The following CANT1 variants were observed in gnomAD, a reference collection of about 807,000 sequenced individuals.
CANT1 encodes the protein calcium activated nucleotidase 1, also known as soluble calcium-activated nucleotidase 1.
CANT1 carries 26 observed loss-of-function variants against 30.0 expected under a neutral mutation model. The observed-to-expected ratio is 0.87, with a 90% CI of 0.64 to 1.20. CANT1 has a LOEUF of 1.20. Among genes scored for constraint, CANT1 ranks in the 50% most tolerant of loss-of-function variants. The pLI is 0.00. For missense variants in CANT1, 518 were observed against 563.0 expected (o/e 0.92, Z 0.81); for synonymous variants, 246 against 251.8 (o/e 0.98, Z 0.22).
intron 1 of CANT1, among the ~76,000 whole-genome samples, chr17:79,007,372 G>A (rs1171726757): frequency 6.6e-6 from 1 of 152,112 alleles, no homozygotes; most frequent in Non-Finnish European, 1.5e-5. Flanking sequence ...TGTGTCCTTG[G>A]CATCCCTGGT....
intron 1 of CANT1, 105 bp downstream of exon 1, chr17:79,009,559 G>GGGGGCGGGACGCGGCAGGGTCGA (rs2071674728): frequency 6.5e-6 from 1 of 152,794 alleles, no homozygotes; most frequent in African/African-American, 2.4e-5. Flanking sequence ...TGACGGGTCA[G>GGGGGCGGGACGCGGCAGGGTCGA]GGGGCGGGAC....
chr17:79,000,940 C>G (rs1198897442), intron 1 of CANT1, among the ~76,000 whole-genome samples: 2 of 152,224 alleles, frequency 1.3e-5, no homozygotes, highest in Non-Finnish European at 2.9e-5. Flanking sequence ...AGCAGACAGT[C>G]TGCACGCATT....
chr17:78,993,207 T>G lies in CANT1; in HGVS notation c.*343A>C. The G allele has an allele frequency of 2.4e-6, 1 of 419,914 alleles. No homozygotes were observed. 26.0% of individuals were successfully genotyped at this position (419,914 alleles called of 1,614,324 possible). ...AGGGTGAGGCATAGGGCCTGACATA[T>G]GGTAGGAGCTCTAGGGATATTCACT... On this transcript the variant is annotated 3_prime_UTR_variant, in exon 5 of 5. Coordinates refer to ENST00000392446, the MANE Select transcript of CANT1 (RefSeq NM_001159773.2). The surrounding 1 kb of genome is among the most constrained non-coding windows in gnomAD (Gnocchi z 4.5).
intron 1 of CANT1, among the ~76,000 whole-genome samples, chr17:79,001,706 C>T (rs1223338983): frequency 6.6e-6 from 1 of 152,080 alleles, no homozygotes; most frequent in Non-Finnish European, 1.5e-5. Context: ...AGTGTCCCTC[C>T]TCGAGGCAGG....
intron 4 of CANT1, 72 bp downstream of exon 4, chr17:78,994,946 T>A (rs1003908154): frequency 6.7e-7 from 1 of 1,482,246 alleles, no homozygotes; most frequent in Admixed American, 2.0e-5. Context: ...TGGAGGCAAA[T>A]GCAGGAGGAA....
chr17:78,992,383 C>T lies in CANT1; in HGVS notation c.*1167G>A, dbSNP rs186436891. ...AGGGCACTGTGAATGATGGAAACGT[C>T]CCTTCTCAGCCTGGGTCGTGCCTAA... On this transcript the variant is annotated 3_prime_UTR_variant, in exon 5 of 5. Transcript: ENST00000392446. 2,781 of 282,022 alleles carry T rather than the reference C, an allele frequency of 9.9e-3. 26 individuals carry two copies. Among genetic ancestry groups the T allele is most frequent in the Non-Finnish European group, 0.015 (2,168 of 144,506 alleles). The allele number at this position is 282,022 out of a possible 1,614,324, so 17.5% of individuals were successfully genotyped here.
At chr17:78,999,347 G>A (rs763254577) in intron 1 of CANT1, among the ~76,000 whole-genome samples, 1 of 152,132 alleles carries the variant, frequency 6.6e-6, no homozygotes, top group Non-Finnish European at 1.5e-5. Flanking sequence ...GGGGTTCCCC[G>A]TGCTGGACAT....
Position 78,993,492 on chromosome 17 carries a change from CCT to C in CANT1, c.*56_*57del. 1 of 1,611,238 alleles carries C rather than the reference CCT, an allele frequency of 6.2e-7. No homozygotes were observed. The highest frequency in any genetic ancestry group is 8.5e-7 in the Non-Finnish European group (1 of 1,178,142). ...GAACAAAACAAAACAAAAGTGCACTCCTCTTGTTTTTATAAAAGCTGAGTCCT... is the reference window on the plus strand; with the variant it reads ...GAACAAAACAAAACAAAAGTGCACTCCTTGTTTTTATAAAAGCTGAGTCCT... On this transcript the variant is annotated 3_prime_UTR_variant, in exon 5 of 5. Transcript: ENST00000392446. This position sits in a 1 kb window ranked among gnomAD's most constrained non-coding sequence, Gnocchi z 4.5.
At chr17:79,001,178 TGTC>T (rs1300619175) in intron 1 of CANT1, among the ~76,000 whole-genome samples, 3 of 152,056 alleles carry the variant, frequency 2.0e-5, no homozygotes, top group Non-Finnish European at 4.4e-5. Context: ...CATCGTGAGG[TGTC>T]GTCGTCACCA....
intron 1 of CANT1, among the ~76,000 whole-genome samples, chr17:79,003,092 C>T (rs571170592): frequency 2.9e-4 from 44 of 149,938 alleles, no homozygotes; most frequent in African/African-American, 1.0e-3. Flanking sequence ...TGAACAGTCC[C>T]GTGTGGTCAG....
rs759816275 is a variant in CANT1 at position 78,993,516 on chromosome 17, T to A, written c.*34A>T. On this transcript the variant is annotated 3_prime_UTR_variant, in exon 5 of 5. Transcript: ENST00000392446. The surrounding 1 kb of genome is among the most constrained non-coding windows in gnomAD (Gnocchi z 4.5). ...TCCTCTTGTTTTTATAAAAGCTGAGTCCTGATGGCCTTGCTCAGTGTTTCC... is the reference window on the plus strand; with the variant it reads ...TCCTCTTGTTTTTATAAAAGCTGAGACCTGATGGCCTTGCTCAGTGTTTCC... 1.9e-6 allele frequency: 3 copies of A among 1,614,038 alleles called. No individual in the cohort carries two copies. The South Asian group carries it at 3.3e-5, about 18-fold the overall frequency.
chr17:78,994,834 C>T lies in CANT1; in HGVS notation c.835+184G>A, dbSNP rs144645610. Among the ~76,000 whole-genome samples, 714 of 152,346 alleles carry T rather than the reference C, an allele frequency of 4.7e-3. 6 individuals carry two copies. Among genetic ancestry groups the T allele is most frequent in the African/African-American group, 0.016 (664 of 41,574 alleles). On this transcript the variant is annotated intron_variant, in intron 4 of 4. Transcript: ENST00000392446. ...ACTGGGGAGGCTGAGGCAGAAAAAT[C>T]GTTTGAACCCAGGAGGTGGAGGTTG... is the stretch of plus-strand genomic sequence containing the variant.
intron 1 of CANT1, among the ~76,000 whole-genome samples, chr17:79,009,165 T>A (rs2071655527): frequency 1.4e-5 from 2 of 146,324 alleles, no homozygotes; most frequent in South Asian, 4.4e-4. Flanking sequence ...CCCACATGAA[T>A]CAGAGGGGGG....
In CANT1 at chr17:78,993,602, A is replaced by T. The variant is rs2070910439; in HGVS notation, c.1154T>A (p.Leu385Ter). Residue 385 changes from leucine to a stop codon, truncating the protein, a stop_gained, in exon 5 of 5, where the codon TTG (leucine) becomes TAG (stop). Coordinates refer to ENST00000392446, the MANE Select transcript of CANT1 (RefSeq NM_001159773.2). LOFTEE classifies it high-confidence loss of function. This position sits in a 1 kb window ranked among gnomAD's most constrained non-coding sequence, Gnocchi z 4.5. ...CACGCTTCCGATCTTGGTCTCCGGC[A>T]ACAGGAAGCGCCCGTCCAGCGTGAA... is the stretch of plus-strand genomic sequence containing the variant. ...MAFTLDGRFL[L>*]PETKIGSVKY... The T allele has an allele frequency of 1.2e-6, 2 of 1,614,254 alleles. No individual in the cohort carries two copies. Among genetic ancestry groups the T allele is most frequent in the Non-Finnish European group, 1.7e-6 (2 of 1,180,056 alleles).
intron 1 of CANT1, among the ~76,000 whole-genome samples, chr17:79,009,316 T>C (rs1434459145): frequency 1.3e-5 from 2 of 151,714 alleles, no homozygotes; most frequent in Non-Finnish European, 2.9e-5. Context: ...GTGCCCACAC[T>C]AATCAGAGGG....
Position 78,996,958 on chromosome 17 carries a change from C to T in CANT1, c.631+34G>A, listed in dbSNP as rs377059117. The T allele has an allele frequency of 2.3e-5, 37 of 1,611,978 alleles. No individual in the cohort carries two copies. Among genetic ancestry groups the T allele is most frequent in the Non-Finnish European group, 2.8e-5 (33 of 1,180,004 alleles). ...CCAGGCCCTGAGCTCCCACTCCCCA[C>T]CCACACCTCCATAAAACCTCAGGGT... On this transcript the variant is annotated intron_variant, in intron 3 of 4. Coordinates refer to ENST00000392446, the MANE Select transcript of CANT1 (RefSeq NM_001159773.2). This position sits in a 1 kb window ranked among gnomAD's most constrained non-coding sequence, Gnocchi z 5.1.
rs2071126613 is a variant in CANT1, at chr17:78,998,624, T to A, written c.-146-661A>T. Reference sequence around the variant, plus strand: ...CTTCACTGCTGTCGCCAAGCCCACTTCCCGGGCATACAGCATGATGGCTCA... The same window carrying A: ...CTTCACTGCTGTCGCCAAGCCCACTACCCGGGCATACAGCATGATGGCTCA... On this transcript the variant is annotated intron_variant, in intron 1 of 4. Transcript: ENST00000392446. This position sits in a 1 kb window ranked among gnomAD's most constrained non-coding sequence, Gnocchi z 4.5. Among the ~76,000 whole-genome samples, 1 of 152,202 alleles carries A rather than the reference T, an allele frequency of 6.6e-6. No homozygotes were observed. Among genetic ancestry groups the A allele is most frequent in the African/African-American group, 2.4e-5 (1 of 41,454 alleles).
intron 1 of CANT1, among the ~76,000 whole-genome samples, chr17:79,000,846 C>T (rs904873457): frequency 3.9e-5 from 6 of 152,210 alleles, no homozygotes; most frequent in Admixed American, 1.3e-4. Context: ...ACCGTCCCTG[C>T]CTGGCTAGGT....
At chr17:79,006,831 G>A (rs924990050) in intron 1 of CANT1, among the ~76,000 whole-genome samples, 4 of 152,114 alleles carry the variant, frequency 2.6e-5, no homozygotes, top group East Asian at 1.9e-4. Flanking sequence ...GCACCTGCAC[G>A]AGCCCACCTG....
Sources: gnomAD v4.1 joint callset for allele counts (sites outside exome capture counted in the v4.1 genomes callset) on GRCh38, gnomAD v4.1.1 for gene constraint, Gnocchi (gnomAD v3.1) non-coding constraint, MANE v1.5 for transcripts, NCBI Gene and HGNC (gene_info 2026-07-23, HGNC 2026-07-21) for gene names.